MCM7: variants seen among roughly 807,000 people sequenced by gnomAD.
The protein encoded by MCM7 is minichromosome maintenance complex component 7.
In MCM7, 95 loss-of-function variants were observed where a neutral mutation model predicts 83.5. The observed-to-expected ratio is 1.14, with a 90% CI of 0.96 to 1.35. MCM7 has a LOEUF of 1.35. MCM7 is among the 40% of genes most tolerant of loss of function. MCM7 has a pLI of 0.00. For synonymous variants in MCM7, 461 were observed against 352.7 expected (o/e 1.31, Z -3.44); for missense variants, 1,087 against 957.4 (o/e 1.14, Z -1.79).
Position 100,092,814 on chromosome 7 carries a change from G to GT in MCM7, c.*117dup. 2 of 1,025,360 alleles carry GT rather than the reference G, an allele frequency of 2.0e-6. No homozygotes were observed. Among genetic ancestry groups the GT allele is most frequent in the Non-Finnish European group, 2.9e-6 (2 of 680,754 alleles). The allele number at this position is 1,025,360 out of a possible 1,614,324, so 63.5% of individuals were successfully genotyped here. A position where few individuals can be genotyped will look rare whatever the true frequency, so the allele number is the denominator to read the frequency against. On this transcript the variant is annotated 3_prime_UTR_variant, in exon 15 of 15. Coordinates refer to ENST00000303887, the MANE Select transcript of MCM7 (RefSeq NM_005916.5). ...ACAAACACTTTTATTAGCAAAAGGA[G>GT]TAAGTGCAGCATGGGAGAAAGAGGG...
In MCM7 at chr7:100,097,365, C is replaced by G. The variant is rs1394222381; in HGVS notation, c.1137G>C (p.Leu379=). 1 of 1,614,196 alleles carries G rather than the reference C, an allele frequency of 6.2e-7. No individual in the cohort carries two copies. Among genetic ancestry groups the G allele is most frequent in the Admixed American group, 1.7e-5 (1 of 60,020 alleles). ...ACTTGGCCACACCAGGATCCCCCAT[C>G]AGACAGATGTTGATGTTGCCTGGAG... is the stretch of plus-strand genomic sequence containing the variant. ...MKIRGNINIC[L]MGDPGVAKSQ... is the part of the protein sequence containing the mutation. Residue 379 remains leucine, a synonymous_variant, in exon 10 of 15, where the codon CTG becomes CTC. Coordinates refer to ENST00000303887, the MANE Select transcript of MCM7 (RefSeq NM_005916.5).
intron 3 of MCM7, 68 bp downstream of exon 3, chr7:100,099,521 C>T: frequency 6.3e-7 from 1 of 1,593,764 alleles, no homozygotes; most frequent in Non-Finnish European, 8.5e-7. Context: ...ACATCAGTAT[C>T]TGAGCAGCCT....
At chr7:100,097,492 C>T (rs1338157421) in intron 9 of MCM7, 108 bp from the exon 10 acceptor site, 3 of 1,573,750 alleles carry the variant, frequency 1.9e-6, no homozygotes, top group Admixed American at 1.7e-5. Context: ...TATTTCTAAG[C>T]CCTCCCTGTG....
At chr7:100,101,111 G>A (rs1364483502) in intron 1 of MCM7, 153 bp downstream of exon 1, 1 of 914,866 alleles carries the variant, frequency 1.1e-6, no homozygotes, top group Non-Finnish European at 1.7e-6. Flanking sequence ...CAGGCCCCGT[G>A]GGCCTTAGCC....
rs1584492689 is a variant in MCM7 at position 100,097,925 on chromosome 7, C to T, written c.894G>A (p.Leu298=). The T allele has an allele frequency of 6.2e-7, 1 of 1,614,174 alleles. No individual in the cohort carries two copies. The highest frequency in any genetic ancestry group is 1.3e-5 in the African/African-American group (1 of 75,040). ...VVQGLLSETY[L]EAHRIVKMNK... ...TCATCTTCACAATCCGATGGGCTTC[C>T]AGGTAGGTTTCTGAGAGTAAACCCT... is the stretch of plus-strand genomic sequence containing the variant. Residue 298 remains leucine (L), a synonymous_variant, in exon 8 of 15, where the codon CTG becomes CTA. Coordinates refer to ENST00000303887, the MANE Select transcript of MCM7 (RefSeq NM_005916.5).
intron 9 of MCM7, 70 bp downstream of exon 9, chr7:100,097,544 G>A (rs1186246744): frequency 2.3e-5 from 37 of 1,607,084 alleles, no homozygotes; most frequent in East Asian, 6.7e-5. Context: ...GACCTACAGG[G>A]ACACTTGTCA....
At chr7:100,096,228 G>A (rs1282918438) in intron 10 of MCM7, 61 bp from the exon 11 acceptor site, 30 of 1,491,236 alleles carry the variant, frequency 2.0e-5, no homozygotes, top group Non-Finnish European at 2.7e-5. Flanking sequence ...ACAAGCAAAA[G>A]ACAACAAACG....
Position 100,097,947 on chromosome 7 carries a change from C to A in MCM7, c.872G>T (p.Gly291Val). Residue 291 changes from glycine to valine, a missense_variant and splice_region_variant, in exon 8 of 15, where the codon GGT becomes GTT. Coordinates refer to ENST00000303887, the MANE Select transcript of MCM7 (RefSeq NM_005916.5). ...LRTGFRQVVQGLLSETYLEAH... is the reference protein window; with the variant it reads ...LRTGFRQVVQVLLSETYLEAH... The stretch of plus-strand genomic sequence containing the variant: ...TTCCAGGTAGGTTTCTGAGAGTAAA[C>A]CCTTGGGCAGGAAAATGCCAGGATA... 2 of 1,613,892 alleles carry A rather than the reference C, an allele frequency of 1.2e-6. No homozygotes were observed. The highest frequency in any genetic ancestry group is 1.7e-6 in the Non-Finnish European group (2 of 1,179,780).
chr7:100,093,467 C>G (rs1343032582), intron 13 of MCM7, 66 bp from the exon 14 acceptor site: 2 of 1,447,374 alleles, frequency 1.4e-6, no homozygotes, highest in Admixed American at 3.3e-5. Flanking sequence ...TCAGGGGACA[C>G]CCTTGTTCTG....
In MCM7 at chr7:100,100,087, A is replaced by C; in HGVS notation, c.38T>G (p.Val13Gly). 1 of 1,613,968 alleles carries C rather than the reference A, an allele frequency of 6.2e-7. No homozygotes were observed. Among genetic ancestry groups the C allele is most frequent in the Non-Finnish European group, 8.5e-7 (1 of 1,179,942 alleles). Residue 13 changes from valine (V) to glycine (G), a missense_variant, in exon 2 of 15, where the codon GTT becomes GGT. Transcript: ENST00000303887. The part of the protein sequence containing the change: ...LKDYALEKEK[V>G]KKFLQEFYQD... ...GTAGAACTCTTGTAAGAACTTCTTA[A>C]CCTTTTCTGTAACATGAAATGTAAA...
intron 13 of MCM7, chr7:100,093,841 C>A (rs754557761): frequency 1.1e-4 from 67 of 628,792 alleles, no homozygotes; most frequent in Non-Finnish European, 7.7e-5. Context: ...CACTTTGGAG[C>A]CCCCAGGACT....
chr7:100,095,876 C>A lies in MCM7; in HGVS notation c.1493G>T (p.Arg498Leu). 6.2e-7 allele frequency: 1 copy of A among 1,613,608 alleles called. No homozygotes were observed. The highest frequency in any genetic ancestry group is 8.5e-7 in the Non-Finnish European group (1 of 1,179,984). Residue 498 changes from arginine to leucine, a missense_variant, in exon 11 of 15, where the codon CGC becomes CTC. Transcript: ENST00000303887. ...CTGTATGTTCTGCTCCAGGCTGCGGCGAGGGTTGTAGCGCCCGTAGGCAGG... is the reference window on the plus strand; with the variant it reads ...CTGTATGTTCTGCTCCAGGCTGCGGAGAGGGTTGTAGCGCCCGTAGGCAGG... ...ANPAYGRYNP[R>L]RSLEQNIQLP...
chr7:100,094,082 CGGGA>C, intron 13 of MCM7, 87 bp downstream of exon 13: 1 of 1,506,804 alleles, frequency 6.6e-7, no homozygotes, highest in Non-Finnish European at 9.2e-7. Context: ...AGGGCTGGAG[CGGGA>C]GGTGGGGAGG....
At chr7:100,094,384 G>C (rs751694277) in intron 12 of MCM7, 43 bp from the exon 13 acceptor site, 1 of 1,609,950 alleles carries the variant, frequency 6.2e-7, no homozygotes, top group Non-Finnish European at 8.5e-7. Flanking sequence ...GGGAGATGGG[G>C]AAGGGAGTGA....
rs199568164 is a variant in MCM7, at chr7:100,098,754, G to A, written c.583-39C>T. ...ACAGAAACACCAAAGGAACTCAGAA[G>A]GAAAAGAGCCCCATTGGGTCGGTCC... On this transcript the variant is annotated intron_variant, in intron 5 of 14. Coordinates refer to ENST00000303887, the MANE Select transcript of MCM7 (RefSeq NM_005916.5). The A allele has an allele frequency of 2.7e-5, 44 of 1,611,314 alleles. No homozygotes were observed. The African/African-American group carries it at 4.3e-4, about 16-fold the overall frequency.
chr7:100,100,013 C>G lies in MCM7; in HGVS notation c.111+1G>C. The G allele has an allele frequency of 1.9e-6, 3 of 1,613,606 alleles. No homozygotes were observed. Among genetic ancestry groups the G allele is most frequent in the Non-Finnish European group, 2.5e-6 (3 of 1,179,496 alleles). ...TTCCCTTTACCCAATCTTAGACTTA[C>G]CAACTGGTTCCCATACTTGAACTGC... On this transcript the variant is annotated splice_donor_variant, in intron 2 of 14. Coordinates refer to ENST00000303887, the MANE Select transcript of MCM7 (RefSeq NM_005916.5). LOFTEE classifies it high-confidence loss of function.
intron 12 of MCM7, 101 bp from the exon 13 acceptor site, chr7:100,094,442 G>C (rs1795511925): frequency 7.4e-7 from 1 of 1,355,110 alleles, no homozygotes. Flanking sequence ...ATTTAACATG[G>C]TCCCCTCCAA....
intron 12 of MCM7, among the ~76,000 whole-genome samples, chr7:100,094,883 G>A (rs1795534760): frequency 6.6e-6 from 1 of 152,144 alleles, no homozygotes; most frequent in Admixed American, 6.5e-5. Flanking sequence ...ATATACAACT[G>A]ATACACATAA....
Position 100,099,591 on chromosome 7 carries a change from C to G in MCM7, c.274G>C (p.Glu92Gln), listed in dbSNP as rs936308465. Residue 92 changes from glutamate to glutamine, a missense_variant and splice_region_variant, in exon 3 of 15, where the codon GAA becomes CAA. Physicochemically the swap from Glu to Gln is conservative, Grantham distance 29. Coordinates refer to ENST00000303887, the MANE Select transcript of MCM7 (RefSeq NM_005916.5). ...QELLPQYKER[E>Q]VVNKDVLDVY... ...GCCATTGTTCTCTAACCACTCACTT[C>G]CCTCTCCTTGTACTGAGGCAGCAGC... is the stretch of plus-strand genomic sequence containing the variant. 6.2e-7 allele frequency: 1 copy of G among 1,613,846 alleles called. No individual in the cohort carries two copies. Among genetic ancestry groups the G allele is most frequent in the Non-Finnish European group, 8.5e-7 (1 of 1,179,956 alleles).
Sources: gnomAD v4.1 joint callset for allele counts (sites outside exome capture counted in the v4.1 genomes callset) on GRCh38, gnomAD v4.1.1 for gene constraint, MANE v1.5 for transcripts, NCBI Gene and HGNC (gene_info 2026-07-23, HGNC 2026-07-21) for gene names.